CACNA1C: variants seen among roughly 807,000 people sequenced by gnomAD.
CACNA1C encodes calcium voltage-gated channel subunit alpha1 C, also known as voltage-dependent L-type calcium channel subunit alpha-1C.
A neutral mutation model predicts 229.0 loss-of-function variants in CACNA1C; 30 were observed. The ratio of observed to expected loss-of-function variants is 0.13; its 90% CI spans 0.10 to 0.18. The LOEUF (loss-of-function observed/expected upper bound fraction) is 0.18. Among genes scored for constraint, CACNA1C ranks in the 10% least tolerant of loss-of-function variants. The pLI is 1.00. For missense variants in CACNA1C, 1,658 were observed against 2,845.0 expected, an observed-to-expected ratio of 0.58 and a Z score of 9.49; for synonymous variants, 1,114 against 1,132.5, an observed-to-expected ratio of 0.98 and a Z score of 0.33.
chr12:2,234,367 C>T (rs1463437335), intron 3 of CACNA1C, among the ~76,000 whole-genome samples: 1 of 152,218 alleles, frequency 6.6e-6, no homozygotes, highest in Non-Finnish European at 1.5e-5. Flanking sequence ...AGGAAGGGAA[C>T]ACTCAAGCTG....
intron 3 of CACNA1C, among the ~76,000 whole-genome samples, chr12:2,321,801 G>T (rs545687578): frequency 5.9e-5 from 9 of 152,302 alleles, no homozygotes; most frequent in African/African-American, 1.9e-4. Flanking sequence ...GGAACAGCTC[G>T]TGCAAAGTCC....
intron 3 of CACNA1C, among the ~76,000 whole-genome samples, chr12:2,171,915 G>A (rs1020672629): frequency 1.3e-5 from 2 of 152,172 alleles, no homozygotes; most frequent in African/African-American, 4.8e-5. Flanking sequence ...ACTATGCACA[G>A]AGGCAGCAGC....
chr12:2,578,405 C>T lies in CACNA1C; in HGVS notation c.1896-3185C>T, dbSNP rs540421624. Among the ~76,000 whole-genome samples the T allele has an allele frequency of 7.2e-5, 11 of 152,278 alleles. No individual in the cohort carries two copies. The East Asian group carries it at 2.1e-3, about 29-fold the overall frequency. ...GCTCTGGGCCCAGAATCTACAGCCT[C>T]TGCTAGGCCTTTGGGAGGACTCTGG... On this transcript the variant is annotated intron_variant, in intron 13 of 46. Transcript: ENST00000399655.
chr12:2,434,137 A>C (rs2099112375), intron 3 of CACNA1C, among the ~76,000 whole-genome samples: 3 of 152,020 alleles, frequency 2.0e-5, no homozygotes, highest in Admixed American at 2.0e-4. Context: ...TGTTCCCCTC[A>C]CTTCACACTG....
intron 3 of CACNA1C, among the ~76,000 whole-genome samples, chr12:2,187,629 C>T (rs980540034): frequency 1.3e-5 from 2 of 152,242 alleles, no homozygotes; most frequent in African/African-American, 4.8e-5. Flanking sequence ...CTTTCTGAGT[C>T]AGTGACCGAC....
rs1433935633 is a variant in CACNA1C at position 2,034,342 on chromosome 12, A to G, written c.139+63141A>G. Among the ~76,000 whole-genome samples, 2 of 152,328 alleles carry G rather than the reference A, an allele frequency of 1.3e-5. No individual in the cohort carries two copies. Among genetic ancestry groups the G allele is most frequent in the African/African-American group, 2.4e-5 (1 of 41,580 alleles). ...GTACACTTTCTCCGTGAGATGCCAG[A>G]TAACTGAAAGAGAACTACAGGGAAG... On this transcript the variant is annotated intron_variant, in intron 1 of 46. Transcript: ENST00000682462. This position sits in a 1 kb window ranked among gnomAD's most constrained non-coding sequence, Gnocchi z 4.1.
intron 31 of CACNA1C, among the ~76,000 whole-genome samples, chr12:2,650,887 A>C (rs1165978131): frequency 6.6e-6 from 1 of 152,060 alleles, no homozygotes. Context: ...TCTCCCTTCC[A>C]GGGTCTTGTA....
At chr12:2,162,140 C>A (rs1215143093) in intron 3 of CACNA1C, among the ~76,000 whole-genome samples, 1 of 152,146 alleles carries the variant, frequency 6.6e-6, no homozygotes. Context: ...CTGCTCCTGT[C>A]TACCTGTCTA....
chr12:2,377,037 C>T (rs1313605408), intron 3 of CACNA1C, among the ~76,000 whole-genome samples: 1 of 152,158 alleles, frequency 6.6e-6, no homozygotes, highest in Non-Finnish European at 1.5e-5. Flanking sequence ...GTGGAGCCAG[C>T]ATCTTGGCAG....
chr12:2,168,880 T>C (rs1207665462), intron 3 of CACNA1C, among the ~76,000 whole-genome samples: 2 of 152,168 alleles, frequency 1.3e-5, no homozygotes, highest in African/African-American at 4.8e-5. Flanking sequence ...TTCCTGTTTC[T>C]GAACCAATAG....
intron 1 of CACNA1C, among the ~76,000 whole-genome samples, chr12:2,012,718 G>A (rs1264871176): frequency 6.6e-6 from 1 of 152,180 alleles, no homozygotes; most frequent in Non-Finnish European, 1.5e-5. Context: ...GTATAATCAA[G>A]GGTTCAGCTG....
rs1338147315 is a variant in CACNA1C at position 2,004,307 on chromosome 12, G to A, written c.139+33106G>A. 4 of 1,613,206 alleles carry A rather than the reference G, an allele frequency of 2.5e-6. No homozygotes were observed. Among genetic ancestry groups the A allele is most frequent in the Non-Finnish European group, 3.4e-6 (4 of 1,179,920 alleles). On this transcript the variant is annotated intron_variant, in intron 1 of 46. Coordinates refer to the CACNA1C transcript ENST00000682462. Reference sequence around the variant, plus strand: ...CCACTCGTTGGCCCGATGGCCGAAGGTGTACAGAGCCACCTGGCTGGCCAC... The same window carrying A: ...CCACTCGTTGGCCCGATGGCCGAAGATGTACAGAGCCACCTGGCTGGCCAC...
intron 3 of CACNA1C, among the ~76,000 whole-genome samples, chr12:2,253,523 A>G (rs1600807892): frequency 1.3e-5 from 2 of 152,224 alleles, no homozygotes; most frequent in African/African-American, 4.8e-5. Context: ...TTTCCCCACC[A>G]GGGTACTATT....
chr12:2,086,507 G>C (rs959807046), intron 1 of CACNA1C, among the ~76,000 whole-genome samples: 1 of 152,122 alleles, frequency 6.6e-6, no homozygotes, highest in African/African-American at 2.4e-5. Context: ...TTGTTTCTCT[G>C]ATCCTGTATT....
chr12:2,527,277 G>A (rs774801679), intron 9 of CACNA1C, among the ~76,000 whole-genome samples: 7 of 152,278 alleles, frequency 4.6e-5, no homozygotes, highest in South Asian at 2.1e-4. Flanking sequence ...AAGACAAACC[G>A]CAGGCCAGCA....
At position 2,220,065 on chromosome 12, in the gene CACNA1C, G is replaced by T. The variant is rs112072106; in HGVS notation, c.477+99635G>T. The stretch of plus-strand genomic sequence containing the variant: ...TCTTTGCATCCTGCATCCAGAATCA[G>T]CACAAGACGGTGGAAGTGGTCAGGG... On this transcript the variant is annotated intron_variant, in intron 3 of 46. Transcript: ENST00000399655. Among the ~76,000 whole-genome samples the T allele has an allele frequency of 3.4e-3, 511 of 152,322 alleles. 3 individuals carry two copies. The highest frequency in any genetic ancestry group is 0.012 in the African/African-American group (502 of 41,572).
At chr12:2,640,924 C>T (rs2093617475) in intron 30 of CACNA1C, among the ~76,000 whole-genome samples, 2 of 152,220 alleles carry the variant, frequency 1.3e-5, no homozygotes, top group South Asian at 4.1e-4. Context: ...TCAGCCTGCA[C>T]GACTCCAGCC....
At chr12:2,584,650 C>T (rs1015702626) in intron 16 of CACNA1C, 33 bp downstream of exon 16, 2 of 1,390,650 alleles carry the variant, frequency 1.4e-6, no homozygotes, top group Non-Finnish European at 2.0e-6. Context: ...GCCTGGGGCT[C>T]CAGGGCTCCC....
At chr12:2,377,455 C>T (rs1412190817) in intron 3 of CACNA1C, among the ~76,000 whole-genome samples, 1 of 152,196 alleles carries the variant, frequency 6.6e-6, no homozygotes, top group Non-Finnish European at 1.5e-5. Context: ...CACCGACCAG[C>T]CTAGCCTTAC....
Sources: allele counts gnomAD v4.1 joint callset (sites outside exome capture counted in the v4.1 genomes callset), GRCh38; gene constraint gnomAD v4.1.1; non-coding constraint Gnocchi (gnomAD v3.1); transcripts MANE v1.5; gene names NCBI Gene and HGNC (gene_info 2026-07-23, HGNC 2026-07-21).